Variants in CCBE1 observed in about 807,000 individuals in gnomAD.
CCBE1 encodes the protein collagen and calcium binding EGF domains 1.
In CCBE1, 37 loss-of-function variants were observed where a neutral mutation model predicts 50.0. The ratio of observed to expected loss-of-function variants is 0.74; its 90% CI spans 0.57 to 0.97. The LOEUF is 0.97. Ranked by LOEUF, CCBE1 falls within the 50% of genes least tolerant of loss-of-function variation. The pLI is 0.00. For synonymous variants in CCBE1, 234 were observed against 203.7 expected, an observed-to-expected ratio of 1.15 and a Z score of -1.27; for missense variants, 538 against 523.8, an observed-to-expected ratio of 1.03 and a Z score of -0.26.
chr18:59,588,900 A>C (rs535499255), intron 2 of CCBE1, among the ~76,000 whole-genome samples: 4 of 152,154 alleles, frequency 2.6e-5, no homozygotes, highest in Non-Finnish European at 5.9e-5. Context: ...GCAGCAGGCT[A>C]CTGCAGGTGA....
intron 2 of CCBE1, among the ~76,000 whole-genome samples, chr18:59,614,902 T>G (rs1249995181): frequency 6.6e-6 from 1 of 152,248 alleles, no homozygotes; most frequent in Non-Finnish European, 1.5e-5. Context: ...CATTATGTCC[T>G]CCCACACCTC....
At chr18:59,654,090 G>C (rs977972007) in intron 2 of CCBE1, among the ~76,000 whole-genome samples, 4 of 152,234 alleles carry the variant, frequency 2.6e-5, no homozygotes, top group African/African-American at 9.6e-5. Flanking sequence ...TGACAGAAGA[G>C]TGAAACATTC....
chr18:59,461,143 C>T (rs1057301443), intron 5 of CCBE1, among the ~76,000 whole-genome samples: 1 of 152,052 alleles, frequency 6.6e-6, no homozygotes, highest in Admixed American at 6.5e-5. Flanking sequence ...GAGACCCGCT[C>T]ATTGTTGCTC....
At chr18:59,463,082 A>G (rs568328794) in intron 5 of CCBE1, among the ~76,000 whole-genome samples, 6 of 152,344 alleles carry the variant, frequency 3.9e-5, no homozygotes, top group Admixed American at 6.5e-5. Context: ...TAAGAAGTAC[A>G]TTTCATTTCT....
intron 2 of CCBE1, among the ~76,000 whole-genome samples, chr18:59,613,862 G>GTTT (rs2090254314): frequency 1.0e-5 from 1 of 98,818 alleles, no homozygotes; most frequent in African/African-American, 5.0e-5. Context: ...TTCTCTGATG[G>GTTT]GTTTTTTTTT....
chr18:59,626,577 T>G (rs920557911), intron 2 of CCBE1, among the ~76,000 whole-genome samples: 7 of 152,236 alleles, frequency 4.6e-5, no homozygotes, highest in Non-Finnish European at 7.3e-5. Flanking sequence ...CTCATTTACC[T>G]CATTTAATCT....
At chr18:59,575,930 T>C (rs2052988437) in intron 2 of CCBE1, among the ~76,000 whole-genome samples, 1 of 152,194 alleles carries the variant, frequency 6.6e-6, no homozygotes, top group South Asian at 2.1e-4. Context: ...ATCACCCTAA[T>C]CCCACATGTC....
intron 2 of CCBE1, among the ~76,000 whole-genome samples, chr18:59,645,827 C>T (rs1246686533): frequency 3.3e-5 from 5 of 152,056 alleles, no homozygotes; most frequent in South Asian, 2.1e-4. Context: ...ATCAGGAGAT[C>T]GAGACCATCC....
intron 2 of CCBE1, among the ~76,000 whole-genome samples, chr18:59,589,790 CAA>C (rs752546235): frequency 0.029 from 2,133 of 73,044 alleles, 29 homozygotes; most frequent in African/African-American, 0.1. Flanking sequence ...GACTCCATCT[CAA>C]AAAAAAAAAA....
At chr18:59,445,961 G>A (rs1483142186) in intron 7 of CCBE1, among the ~76,000 whole-genome samples, 4 of 152,148 alleles carry the variant, frequency 2.6e-5, no homozygotes, top group Admixed American at 6.5e-5. Flanking sequence ...CTGTATTGGT[G>A]CTCCAGTCTG....
chr18:59,571,548 C>G (rs975648527), intron 2 of CCBE1, among the ~76,000 whole-genome samples: 1 of 128,970 alleles, frequency 7.8e-6, no homozygotes, highest in Non-Finnish European at 1.7e-5. Context: ...ATGGGTGCAG[C>G]ACACCACATG....
intron 2 of CCBE1, among the ~76,000 whole-genome samples, chr18:59,588,718 G>C (rs1481390815): frequency 6.6e-6 from 1 of 152,102 alleles, no homozygotes; most frequent in African/African-American, 2.4e-5. Context: ...CTGGCATCTG[G>C]TTCATGCACT....
chr18:59,633,247 G>T (rs1054382475), intron 2 of CCBE1, among the ~76,000 whole-genome samples: 4 of 152,196 alleles, frequency 2.6e-5, no homozygotes, highest in Non-Finnish European at 5.9e-5. Flanking sequence ...TAACAAGAAA[G>T]ACTAAAACTT....
chr18:59,668,819 C>CTTTTTTTTTTTTTTT (rs34632549), intron 2 of CCBE1, among the ~76,000 whole-genome samples: 5 of 99,176 alleles, frequency 5.0e-5, no homozygotes, highest in Non-Finnish European at 7.6e-5. Flanking sequence ...TTCCATAAGT[C>CTTTTTTTTTTTTTTT]TTTTTTTTTT....
chr18:59,443,978 TGTTA>T (rs1395983924), intron 7 of CCBE1, among the ~76,000 whole-genome samples: 1 of 152,236 alleles, frequency 6.6e-6, no homozygotes, highest in Non-Finnish European at 1.5e-5. Context: ...CTTATATAAG[TGTTA>T]ATTATATAGT....
chr18:59,645,623 T>C (rs2054045046), intron 2 of CCBE1, among the ~76,000 whole-genome samples: 2 of 152,156 alleles, frequency 1.3e-5, no homozygotes. Flanking sequence ...TCCAGAGACA[T>C]CATGAACTAG....
chr18:59,697,024 C>G (rs1217866886), intron 1 of CCBE1, among the ~76,000 whole-genome samples, 188 bp downstream of exon 1: 4 of 152,166 alleles, frequency 2.6e-5, no homozygotes, highest in Non-Finnish European at 5.9e-5. Context: ...GATGGCAGGG[C>G]GCAAAGGCTG....
chr18:59,598,140 C>T lies in CCBE1; in HGVS notation c.212+98489G>A, dbSNP rs554495564. On this transcript the variant is annotated intron_variant, in intron 2 of 10. Coordinates refer to ENST00000439986, the MANE Select transcript of CCBE1 (RefSeq NM_133459.4). ...AGCACTGGTTAGGGATCAGCAGAGA[C>T]GACAGAGAGCATACCAGCTAGCTTT... is the stretch of plus-strand genomic sequence containing the variant. 3.7e-4 allele frequency among the ~76,000 whole-genome samples: 56 copies of T among 152,282 alleles called. No individual in the cohort carries two copies. The South Asian group carries it at 3.7e-3, about 10-fold the overall frequency.
At chr18:59,509,799 C>G (rs545786110) in intron 2 of CCBE1, among the ~76,000 whole-genome samples, 3 of 144,748 alleles carry the variant, frequency 2.1e-5, no homozygotes, top group Admixed American at 1.4e-4. Context: ...ATTTTTAGAT[C>G]GGGCTGATTT....
Sources: gnomAD v4.1 joint callset for allele counts (sites outside exome capture counted in the v4.1 genomes callset) on GRCh38, gnomAD v4.1.1 for gene constraint, MANE v1.5 for transcripts, NCBI Gene and HGNC (gene_info 2026-07-23, HGNC 2026-07-21) for gene names.